Variants in STON2 observed in about 807,000 individuals in gnomAD.
STON2 encodes stonin 2, also known as stonin-2.
A neutral mutation model predicts 65.7 loss-of-function variants in STON2; 29 were observed. The observed-to-expected ratio is 0.44, with a 90% CI of 0.33 to 0.60. The LOEUF (loss-of-function observed/expected upper bound fraction) is 0.60. Ranked by LOEUF, STON2 falls within the 20% of genes least tolerant of loss-of-function variation. STON2 has a pLI of 0.03. For synonymous variants in STON2, 404 were observed against 414.2 expected (o/e 0.98, Z 0.30); for missense variants, 1,054 against 1,118.1 (o/e 0.94, Z 0.82).
At chr14:81,387,909 G>T (rs1219169884) in intron 3 of STON2, among the ~76,000 whole-genome samples, 2 of 142,080 alleles carry the variant, frequency 1.4e-5, no homozygotes, top group African/African-American at 2.6e-5. Flanking sequence ...AAAGGCTTTT[G>T]TCACTCTCAT....
chr14:81,320,040 C>T (rs927883455), intron 5 of STON2, among the ~76,000 whole-genome samples: 1 of 152,108 alleles, frequency 6.6e-6, no homozygotes, highest in Non-Finnish European at 1.5e-5. Context: ...TGGATTTGTC[C>T]GATCTCTGCT....
chr14:81,404,008 T>G (rs558048621), upstream of STON2, among the ~76,000 whole-genome samples: 1 of 152,336 alleles, frequency 6.6e-6, no homozygotes, highest in South Asian at 2.1e-4. Context: ...CTTTAACTCT[T>G]AGAATAGGGT....
intron 4 of STON2, among the ~76,000 whole-genome samples, chr14:81,325,996 T>G (rs1362493618): frequency 6.6e-6 from 1 of 151,872 alleles, no homozygotes; most frequent in Non-Finnish European, 1.5e-5. Context: ...CTCACCCCAA[T>G]GTATTAATTG....
intron 4 of STON2, among the ~76,000 whole-genome samples, chr14:81,346,567 G>A (rs1000186122): frequency 6.6e-6 from 1 of 152,168 alleles, no homozygotes; most frequent in Non-Finnish European, 1.5e-5. Flanking sequence ...CTGCACTTCA[G>A]ACCAAATGAA....
intron 4 of STON2, among the ~76,000 whole-genome samples, chr14:81,328,002 G>A (rs1219636120): frequency 6.6e-6 from 1 of 152,144 alleles, no homozygotes; most frequent in Non-Finnish European, 1.5e-5. Flanking sequence ...TCTATAACAT[G>A]GAGATAATAA....
intron 4 of STON2, among the ~76,000 whole-genome samples, chr14:81,349,746 G>T (rs904804047): frequency 3.9e-5 from 6 of 152,006 alleles, no homozygotes; most frequent in Non-Finnish European, 7.4e-5. Context: ...AAAGGAAAGG[G>T]TATCTGTTTA....
intron 2 of STON2, among the ~76,000 whole-genome samples, chr14:81,418,794 G>T (rs2139887785): frequency 6.6e-6 from 1 of 152,248 alleles, no homozygotes; most frequent in South Asian, 2.1e-4. Flanking sequence ...AAAGTTATTT[G>T]CAAAGACCTT....
At chr14:81,396,301 G>T in intron 2 of STON2, 123 bp from the exon 3 acceptor site, 1 of 822,842 alleles carries the variant, frequency 1.2e-6, no homozygotes, top group Admixed American at 2.7e-5. Flanking sequence ...AGTGAGTGGG[G>T]AGAAGAAAGA....
intron 5 of STON2, among the ~76,000 whole-genome samples, chr14:81,289,730 A>T (rs775858927): frequency 1.3e-5 from 2 of 152,206 alleles, no homozygotes; most frequent in Non-Finnish European, 2.9e-5. Flanking sequence ...AAGCAGCTCC[A>T]GCTCCTCGGG....
chr14:81,432,395 G>T (rs1043500310), intron 1 of STON2, among the ~76,000 whole-genome samples: 32 of 152,122 alleles, frequency 2.1e-4, no homozygotes, highest in African/African-American at 7.5e-4. Context: ...TTATCTTGGG[G>T]GTAGGTGCTG....
At position 81,396,119 on chromosome 14, in the gene STON2, A is replaced by G; in HGVS notation, c.148T>C (p.Ser50Pro). The G allele has an allele frequency of 6.2e-7, 1 of 1,614,100 alleles. No homozygotes were observed. The highest frequency in any genetic ancestry group is 1.3e-5 in the African/African-American group (1 of 75,012). The stretch of plus-strand genomic sequence containing the variant: ...CCATCCACCACATGGTTCTCCCCGG[A>G]GGAGCTCTCGGACTGGTCTGGGGAA... ...SSSPDQSESS[S>P]GENHVVDGGS... Residue 50 changes from serine (S) to proline (P), a missense_variant, in exon 3 of 8, where the codon TCC (serine) becomes CCC (proline). By Grantham distance (74) the Ser-to-Pro change is moderately conservative (BLOSUM62 -1). Transcript: ENST00000614646.
At chr14:81,340,816 G>C (rs1897579971) in intron 4 of STON2, among the ~76,000 whole-genome samples, 1 of 151,728 alleles carries the variant, frequency 6.6e-6, no homozygotes, top group Non-Finnish European at 1.5e-5. Context: ...TAGCCTCCTG[G>C]ACAAGGACAT....
intron 5 of STON2, among the ~76,000 whole-genome samples, chr14:81,318,478 G>A (rs948034419): frequency 1.3e-5 from 2 of 152,200 alleles, no homozygotes; most frequent in African/African-American, 4.8e-5. Context: ...CTGGGGAAGA[G>A]TATTTTAATG....
At position 81,277,215 on chromosome 14, in the gene STON2, G is replaced by A; in HGVS notation, c.2267C>T (p.Ala756Val). 6.2e-7 allele frequency: 1 copy of A among 1,614,174 alleles called. No individual in the cohort carries two copies. The highest frequency in any genetic ancestry group is 8.5e-7 in the Non-Finnish European group (1 of 1,180,034). The change falls in exon 6 of 8, where the codon GCA becomes GTA. Residue 756 changes from alanine to valine, a missense_variant. Transcript: ENST00000614646. ...TLRTATSVNG[A>V]EVEVQSWLRM... is the part of the protein sequence containing the mutation. ...CAGCCAGCTCTGCACCTCCACCTCT[G>A]CCCCATTGACACTTGTGGCCGTCCT...
chr14:81,399,663 A>G (rs1406545562), intron 1 of STON2, among the ~76,000 whole-genome samples: 1 of 152,240 alleles, frequency 6.6e-6, no homozygotes, highest in Non-Finnish European at 1.5e-5. Flanking sequence ...ATTTTCAGAA[A>G]CACATTTTCA....
chr14:81,427,726 A>G (rs1212336898), intron 1 of STON2, among the ~76,000 whole-genome samples: 1 of 150,792 alleles, frequency 6.6e-6, no homozygotes, highest in Non-Finnish European at 1.5e-5. Flanking sequence ...AAAAAAAAAA[A>G]GAGAGAGAGA....
chr14:81,377,679 C>T (rs1169956687), intron 3 of STON2, among the ~76,000 whole-genome samples: 1 of 152,172 alleles, frequency 6.6e-6, no homozygotes, highest in African/African-American at 2.4e-5. Context: ...AGCATTTAGT[C>T]TTACCATTAC....
intron 2 of STON2, among the ~76,000 whole-genome samples, chr14:81,411,106 T>G (rs1901134694): frequency 1.3e-5 from 2 of 152,320 alleles, no homozygotes; most frequent in South Asian, 4.1e-4. Flanking sequence ...AGTGATCATT[T>G]TTAGTGGAGA....
chr14:81,368,403 A>G (rs1038325564), intron 4 of STON2, among the ~76,000 whole-genome samples: 1 of 152,212 alleles, frequency 6.6e-6, no homozygotes, highest in African/African-American at 2.4e-5. Context: ...AGTGCTAGCT[A>G]TAACTATTAC....
Sources: allele counts gnomAD v4.1 joint callset (sites outside exome capture counted in the v4.1 genomes callset), GRCh38; gene constraint gnomAD v4.1.1; transcripts MANE v1.5; gene names NCBI Gene and HGNC (gene_info 2026-07-23, HGNC 2026-07-21).